NAALADL2: variants seen among roughly 807,000 people sequenced by gnomAD.
The protein encoded by NAALADL2 is N-acetylated alpha-linked acidic dipeptidase like 2, also known as inactive N-acetylated-alpha-linked acidic dipeptidase-like protein 2.
NAALADL2 carries 76 observed loss-of-function variants against 87.2 expected under a neutral mutation model. The observed-to-expected ratio is 0.87, with a 90% confidence interval of 0.72 to 1.05. NAALADL2 has a LOEUF of 1.05. NAALADL2 is among the 50% of genes least tolerant of loss of function. The pLI is 0.00. For synonymous variants in NAALADL2, 354 were observed against 331.0 expected (o/e 1.07, Z -0.75); for missense variants, 1,089 against 945.8 (o/e 1.15, Z -1.99).
chr3:175,363,816 A>G (rs1257740228), intron 5 of NAALADL2, among the ~76,000 whole-genome samples: 2 of 148,090 alleles, frequency 1.4e-5, no homozygotes, highest in Non-Finnish European at 1.5e-5. Flanking sequence ...AACTCAAGAC[A>G]TTCTTCTGGG....
chr3:175,518,182 T>C (rs982207400), intron 9 of NAALADL2, among the ~76,000 whole-genome samples: 1 of 152,202 alleles, frequency 6.6e-6, no homozygotes, highest in Non-Finnish European at 1.5e-5. Flanking sequence ...AAAATGATTT[T>C]GGGCTGCCTT....
At chr3:174,892,060 C>T (rs1316436846) in intron 1 of NAALADL2, among the ~76,000 whole-genome samples, 1 of 152,146 alleles carries the variant, frequency 6.6e-6, no homozygotes, top group Non-Finnish European at 1.5e-5. Flanking sequence ...TCACAACACC[C>T]AAGTTCTTTC....
Position 174,638,401 on chromosome 3 carries a change from G to A in NAALADL2, c.-115+87764G>A, listed in dbSNP as rs190337787. Among the ~76,000 whole-genome samples, 249 of 152,280 alleles carry A rather than the reference G, an allele frequency of 1.6e-3. 2 individuals carry two copies. The highest frequency in any genetic ancestry group is 5.8e-3 in the African/African-American group (242 of 41,552). On this transcript the variant is annotated intron_variant, in intron 2 of 3. Coordinates refer to the NAALADL2 transcript ENST00000434257. ...GTAATAGAGGCACACATAGGGAGAT[G>A]TGGGACAAAGGACCCTAACTCTGGC...
intron 5 of NAALADL2, among the ~76,000 whole-genome samples, chr3:175,333,076 C>T (rs1455699331): frequency 6.6e-6 from 1 of 152,138 alleles, no homozygotes; most frequent in Admixed American, 6.5e-5. Context: ...GTGGGTTGGA[C>T]ATGTAGCCCC....
intron 9 of NAALADL2, among the ~76,000 whole-genome samples, chr3:175,532,084 G>A (rs1734164982): frequency 6.6e-6 from 1 of 152,190 alleles, no homozygotes; most frequent in Non-Finnish European, 1.5e-5. Context: ...GCTGCTAAGT[G>A]TGTCTATGCC....
chr3:175,800,734 AACTAAGTTAAATCACCATG>A (rs1325361504), intron 13 of NAALADL2, among the ~76,000 whole-genome samples: 15 of 152,270 alleles, frequency 9.9e-5, no homozygotes, highest in African/African-American at 3.6e-4. Flanking sequence ...ATAAAAATTT[AACTAAGTTAAATCACCATG>A]ACTAAAGACC....
At chr3:174,948,021 T>G (rs1193302299) in intron 1 of NAALADL2, among the ~76,000 whole-genome samples, 1 of 152,128 alleles carries the variant, frequency 6.6e-6, no homozygotes, top group African/African-American at 2.4e-5. Context: ...ATGTAACACC[T>G]TTGACACGAA....
chr3:174,785,024 TA>T (rs1160878081), intron 3 of NAALADL2, among the ~76,000 whole-genome samples: 69 of 152,300 alleles, frequency 4.5e-4, no homozygotes, highest in African/African-American at 1.6e-3. Flanking sequence ...AATTTTGTTA[TA>T]ATTTTATCTT....
At chr3:175,251,281 T>G (rs961558608) in intron 3 of NAALADL2, among the ~76,000 whole-genome samples, 3 of 152,218 alleles carry the variant, frequency 2.0e-5, no homozygotes, top group African/African-American at 7.2e-5. Context: ...GCTGTTGTGT[T>G]TAGTTCCTTG....
chr3:175,305,525 C>CT (rs1398198537), intron 4 of NAALADL2, among the ~76,000 whole-genome samples: 416 of 150,896 alleles, frequency 2.8e-3, no homozygotes, highest in African/African-American at 9.1e-3. Flanking sequence ...TTTTCTTTTT[C>CT]TTTTTTTTTG....
intron 5 of NAALADL2, among the ~76,000 whole-genome samples, chr3:175,401,086 C>T (rs1193190184): frequency 6.6e-6 from 1 of 152,146 alleles, no homozygotes; most frequent in Non-Finnish European, 1.5e-5. Context: ...AACTGGAATA[C>T]ACACCAGTAG....
intron 3 of NAALADL2, among the ~76,000 whole-genome samples, chr3:174,835,724 T>C (rs948944697): frequency 1.2e-4 from 19 of 152,104 alleles, no homozygotes; most frequent in African/African-American, 4.6e-4. Context: ...AACGAAGATA[T>C]ACAAATGACC....
intron 12 of NAALADL2, among the ~76,000 whole-genome samples, chr3:175,745,202 A>C (rs1745758284): frequency 6.6e-6 from 1 of 152,172 alleles, no homozygotes; most frequent in Admixed American, 6.6e-5. Context: ...GGGTTGATTT[A>C]TTGGATGGTT....
chr3:174,966,057 A>G (rs1356524203), intron 1 of NAALADL2, among the ~76,000 whole-genome samples: 3 of 152,152 alleles, frequency 2.0e-5, no homozygotes, highest in Admixed American at 6.6e-5. Context: ...CAGCACATTT[A>G]TAAGATTATG....
At chr3:175,449,595 A>G (rs2149230476) in intron 6 of NAALADL2, among the ~76,000 whole-genome samples, 1 of 151,818 alleles carries the variant, frequency 6.6e-6, no homozygotes, top group Middle Eastern at 3.4e-3. Flanking sequence ...GGGTCTCACC[A>G]TGTTAACCAG....
At chr3:174,551,653 T>A (rs1017453993) in intron 2 of NAALADL2, among the ~76,000 whole-genome samples, 4 of 152,224 alleles carry the variant, frequency 2.6e-5, no homozygotes, top group African/African-American at 7.2e-5. Context: ...CAGAAAGCAA[T>A]GTTTTAAGCA....
At chr3:174,527,488 T>C (rs1465990839) in intron 1 of NAALADL2, among the ~76,000 whole-genome samples, 1 of 149,670 alleles carries the variant, frequency 6.7e-6, no homozygotes. Flanking sequence ...CATTGCACTC[T>C]AGCCTGGGCA....
At chr3:175,110,698 A>G (rs1405333322) in intron 2 of NAALADL2, among the ~76,000 whole-genome samples, 1 of 151,886 alleles carries the variant, frequency 6.6e-6, no homozygotes, top group Non-Finnish European at 1.5e-5. Context: ...ATTGAATAAC[A>G]AAGAGTACTG....
At chr3:174,611,989 A>C (rs770964674) in intron 2 of NAALADL2, among the ~76,000 whole-genome samples, 4 of 151,764 alleles carry the variant, frequency 2.6e-5, no homozygotes, top group Non-Finnish European at 4.4e-5. Flanking sequence ...GTGTTGACAA[A>C]ATCCCTCAGC....
Sources: allele counts gnomAD v4.1 joint callset (sites outside exome capture counted in the v4.1 genomes callset), GRCh38; gene constraint gnomAD v4.1.1; transcripts MANE v1.5; gene names NCBI Gene and HGNC (gene_info 2026-07-23, HGNC 2026-07-21).